The following MTMR3 variants were observed in gnomAD, a reference collection of about 807,000 sequenced individuals.
MTMR3 encodes the protein myotubularin related protein 3, also known as phosphatidylinositol-3,5-bisphosphate 3-phosphatase MTMR3.
A neutral mutation model predicts 132.4 loss-of-function variants in MTMR3; 32 were observed. That is an observed-to-expected ratio of 0.24 (90% CI 0.18 to 0.32). The LOEUF (loss-of-function observed/expected upper bound fraction) is 0.32, where lower values mean the gene tolerates loss of function less well. Ranked by LOEUF, MTMR3 falls within the 10% of genes least tolerant of loss-of-function variation. The pLI is 1.00. For missense variants in MTMR3, 1,216 were observed against 1,489.6 expected (o/e 0.82, Z 3.02); for synonymous variants, 556 against 550.3 (o/e 1.01, Z -0.14).
chr22:29,906,245 C>CGTCCGTCT (rs1410748337), intron 1 of MTMR3, among the ~76,000 whole-genome samples: 11 of 107,152 alleles, frequency 1.0e-4, no homozygotes, highest in African/African-American at 2.7e-4. Context: ...TCCATCCATC[C>CGTCCGTCT]GTCTGTCTGT....
intron 1 of MTMR3, among the ~76,000 whole-genome samples, chr22:29,905,969 G>A (rs142150492): frequency 1.5e-3 from 228 of 152,198 alleles, no homozygotes; most frequent in Non-Finnish European, 2.4e-3. Context: ...TGTCAAACAA[G>A]TTCTGAGCAT....
intron 1 of MTMR3, among the ~76,000 whole-genome samples, chr22:29,925,227 C>G (rs2065492343): frequency 6.6e-6 from 1 of 152,120 alleles, no homozygotes; most frequent in African/African-American, 2.4e-5. Flanking sequence ...GAGATGGAGT[C>G]TGACTATGTT....
intron 7 of MTMR3, chr22:29,996,892 T>C (rs535754463): frequency 3.3e-5 from 5 of 152,030 alleles, no homozygotes; most frequent in Non-Finnish European, 5.9e-5. Context: ...CACAACTTAA[T>C]TTTTGCATTT....
chr22:29,951,889 G>GTTTTTTTT (rs11331318), intron 1 of MTMR3, among the ~76,000 whole-genome samples: 1 of 131,382 alleles, frequency 7.6e-6, no homozygotes, highest in Non-Finnish European at 1.6e-5. Flanking sequence ...ACAAGTAAAG[G>GTTTTTTTT]TTTTTTTTTT....
At chr22:30,025,513 C>T (rs2067894311) in intron 19 of MTMR3, 117 bp from the exon 20 acceptor site, 6 of 1,077,386 alleles carry the variant, frequency 5.6e-6, no homozygotes, top group South Asian at 1.5e-5. Context: ...AGGGTTTGAT[C>T]TCAAGGAGCT....
chr22:29,975,028 G>A (rs147820013), intron 3 of MTMR3, among the ~76,000 whole-genome samples: 2 of 152,290 alleles, frequency 1.3e-5, no homozygotes, highest in African/African-American at 4.8e-5. Context: ...GAGCAGTGGT[G>A]CAATCATGGC....
At position 29,965,254 on chromosome 22, in the gene MTMR3, T is replaced by C. The variant is rs971138398; in HGVS notation, c.-84-5722T>C. On this transcript the variant is annotated intron_variant, in intron 2 of 19. Coordinates refer to ENST00000401950, the MANE Select transcript of MTMR3 (RefSeq NM_021090.4). The stretch of plus-strand genomic sequence containing the variant: ...CACATACTAGATTATTGGTAAATTT[T>C]GACTGACTGCAGTGCAGAAAGAACA... 4.6e-5 allele frequency among the ~76,000 whole-genome samples: 7 copies of C among 152,128 alleles called. 1 individual carries two copies. The South Asian group carries it at 1.5e-3, about 32-fold the overall frequency.
intron 1 of MTMR3, among the ~76,000 whole-genome samples, chr22:29,895,436 T>C (rs187559785): frequency 3.4e-3 from 522 of 152,334 alleles, no homozygotes; most frequent in Admixed American, 5.9e-3. Context: ...CGATGAACTC[T>C]TGGAAAGCAT....
intron 8 of MTMR3, chr22:30,002,240 C>G (rs1037825624): frequency 6.6e-6 from 1 of 151,978 alleles, no homozygotes; most frequent in African/African-American, 2.4e-5. Flanking sequence ...TGGTTAATAG[C>G]TTAGTCACAT....
chr22:29,965,656 G>A (rs1336760078), intron 2 of MTMR3, among the ~76,000 whole-genome samples: 1 of 152,226 alleles, frequency 6.6e-6, no homozygotes, highest in Non-Finnish European at 1.5e-5. Flanking sequence ...CTGCACTCCA[G>A]CCTGAGCGAT....
At chr22:30,022,894 G>A (rs2145982208) in intron 19 of MTMR3, 197 bp downstream of exon 19, 2 of 579,012 alleles carry the variant, frequency 3.5e-6, no homozygotes, top group Non-Finnish European at 6.2e-6. Context: ...AGTAATCACT[G>A]TTAAATTCTG....
rs183077710 is a variant in MTMR3, at chr22:29,991,980, A to G, written c.460+310A>G. On this transcript the variant is annotated intron_variant, in intron 7 of 19. Coordinates refer to ENST00000401950, the MANE Select transcript of MTMR3 (RefSeq NM_021090.4). ...GAGTTTTGTATACATGTGTGGGAAG[A>G]CTTCACATTTAAAGTGGCTTTTGAA... 1,508 of 209,728 alleles carry G rather than the reference A, an allele frequency of 7.2e-3. 11 individuals carry two copies. Among genetic ancestry groups the G allele is most frequent in the Non-Finnish European group, 0.011 (1,191 of 106,238 alleles). The allele number at this position is 209,728 out of a possible 1,614,324, so 13.0% of individuals were successfully genotyped here.
intron 2 of MTMR3, among the ~76,000 whole-genome samples, chr22:29,965,685 AAAAAC>A (rs1215934384): frequency 2.6e-5 from 4 of 152,208 alleles, no homozygotes; most frequent in African/African-American, 4.8e-5. Context: ...ACTCTGTCTC[AAAAAC>A]AAAACAAAAC....
At position 30,020,868 on chromosome 22, in the gene MTMR3, A is replaced by G; in HGVS notation, c.3209A>G (p.Asp1070Gly). Residue 1070 changes from aspartate (D) to glycine (G), a missense_variant, in exon 17 of 20, where the codon GAC (aspartate) becomes GGC (glycine). Asp to Gly is a moderately conservative substitution (Grantham distance 94). This residue lies in a region of MTMR3 where 852 missense variants were observed against 852.0 expected (regional missense o/e 1.00). Coordinates refer to ENST00000401950, the MANE Select transcript of MTMR3 (RefSeq NM_021090.4). ...ACCAGCTCCCTACACTTTAATGGAG[A>G]CTTTGGGGATGAGGTGGTGAGTAGG... ...YLTSSLHFNGDFGDEVTSIPD... is the reference protein window; with the variant it reads ...YLTSSLHFNGGFGDEVTSIPD... 1 of 1,593,164 alleles carries G rather than the reference A, an allele frequency of 6.3e-7. No homozygotes were observed. The highest frequency in any genetic ancestry group is 8.6e-7 in the Non-Finnish European group (1 of 1,168,584).
intron 1 of MTMR3, among the ~76,000 whole-genome samples, chr22:29,915,994 T>A (rs2065300649): frequency 6.6e-6 from 1 of 152,240 alleles, no homozygotes; most frequent in Admixed American, 6.5e-5. Flanking sequence ...TATATACCAC[T>A]TAATGTATAA....
intron 3 of MTMR3, 102 bp from the exon 4 acceptor site, chr22:29,978,340 T>C (rs959718864): frequency 2.4e-6 from 2 of 831,602 alleles, no homozygotes; most frequent in East Asian, 5.2e-5. Context: ...TTCACCTTGG[T>C]CTTTGTACTT....
At position 30,029,836 on chromosome 22, in the gene MTMR3, G is replaced by A. The variant is rs2067979705; in HGVS notation, c.*4035G>A. 6.6e-6 allele frequency: 1 copy of A among 152,352 alleles called. No homozygotes were observed. The highest frequency in any genetic ancestry group is 1.5e-5 in the Non-Finnish European group (1 of 68,044). The allele number at this position is 152,352 out of a possible 1,614,324, so 9.4% of individuals were successfully genotyped here. A position where few individuals can be genotyped will look rare whatever the true frequency, so the allele number is the denominator to read the frequency against. On this transcript the variant is annotated 3_prime_UTR_variant, in exon 20 of 20. Transcript: ENST00000401950. Reference sequence around the variant, plus strand: ...GGATAATGTGGCAGGAGTCCCAGCTGTTTAATTTCTAGTCACATTTTCCAG... The same window carrying A: ...GGATAATGTGGCAGGAGTCCCAGCTATTTAATTTCTAGTCACATTTTCCAG...
chr22:29,903,611 T>C (rs1046134088), intron 1 of MTMR3, among the ~76,000 whole-genome samples: 3 of 152,108 alleles, frequency 2.0e-5, no homozygotes, highest in Non-Finnish European at 4.4e-5. Context: ...GTTGCCCATC[T>C]TGAATTCCTG....
At chr22:29,895,159 G>A (rs984761175) in intron 1 of MTMR3, among the ~76,000 whole-genome samples, 2 of 152,146 alleles carry the variant, frequency 1.3e-5, no homozygotes, top group Non-Finnish European at 2.9e-5. Flanking sequence ...AGTGAGCTGA[G>A]ATCGTGCCAC....
Sources: gnomAD v4.1 joint callset for allele counts (sites outside exome capture counted in the v4.1 genomes callset) on GRCh38, gnomAD v4.1.1 for gene constraint, gnomAD v4.1.1 regional missense constraint, MANE v1.5 for transcripts, NCBI Gene and HGNC (gene_info 2026-07-23, HGNC 2026-07-21) for gene names.